The following GPC5 variants were observed in gnomAD, a reference collection of about 807,000 sequenced individuals.
GPC5 encodes the protein glypican-5.
In GPC5, 47 loss-of-function variants were observed where a neutral mutation model predicts 53.9. That is an observed-to-expected ratio of 0.87 (90% CI 0.69 to 1.11). The LOEUF (loss-of-function observed/expected upper bound fraction) is 1.11, where lower values mean the gene tolerates loss of function less well. Ranked by LOEUF, GPC5 falls within the 50% of genes most tolerant of loss-of-function variation. The pLI is 0.00. For missense variants in GPC5, 748 were observed against 713.1 expected, an observed-to-expected ratio of 1.05 and a Z score of -0.56; for synonymous variants, 286 against 263.3, an observed-to-expected ratio of 1.09 and a Z score of -0.84.
chr13:92,647,632 A>G (rs1273662073), intron 7 of GPC5, among the ~76,000 whole-genome samples: 1 of 152,122 alleles, frequency 6.6e-6, no homozygotes, highest in Non-Finnish European at 1.5e-5. Context: ...AATTATAACA[A>G]TAGAGTTCCA....
chr13:91,668,205 A>G (rs1831568), intron 2 of GPC5, among the ~76,000 whole-genome samples: 38,046 of 152,062 alleles, frequency 0.25, 6,627 homozygotes, highest in African/African-American at 0.48. Flanking sequence ...ATGTCACCAC[A>G]TACAGTGGTG....
In GPC5 at chr13:91,650,751, T is replaced by TTTTTG. The variant is rs1555333966; in HGVS notation, c.326-42432_326-42431insGTTTT. 6.6e-4 allele frequency among the ~76,000 whole-genome samples: 7 copies of TTTTTG among 10,610 alleles called. No homozygotes were observed. The South Asian group carries it at 0.011, about 17-fold the overall frequency. 7.0% of individuals were successfully genotyped at this position (10,610 alleles called of 152,430 possible). A position where few individuals can be genotyped will look rare whatever the true frequency, so the allele number is the denominator to read the frequency against. ...ATCTGTGAAACAAAATTCCCATAAG[T>TTTTTG]TTTTTTTTTTTTTTTTTTTTTAGCA... On this transcript the variant is annotated intron_variant, in intron 2 of 7. Transcript: ENST00000377067.
chr13:92,082,278 G>T (rs2041301809), intron 6 of GPC5, among the ~76,000 whole-genome samples: 1 of 152,066 alleles, frequency 6.6e-6, no homozygotes, highest in African/African-American at 2.4e-5. Flanking sequence ...ATGACTATTT[G>T]TTGTACTGTT....
At chr13:91,724,965 G>A (rs2036546627) in intron 3 of GPC5, 1 of 152,220 alleles carries the variant, frequency 6.6e-6, no homozygotes, top group Admixed American at 6.5e-5. Context: ...TTTGTAAAAT[G>A]CTTTGAAAAT....
intron 2 of GPC5, among the ~76,000 whole-genome samples, chr13:91,502,689 A>T (rs1412885544): frequency 6.6e-6 from 1 of 152,192 alleles, no homozygotes; most frequent in African/African-American, 2.4e-5. Flanking sequence ...ACCCTGAACC[A>T]CCCAGCACCA....
At chr13:91,627,958 C>T (rs949857862) in intron 2 of GPC5, among the ~76,000 whole-genome samples, 2 of 152,020 alleles carry the variant, frequency 1.3e-5, no homozygotes, top group African/African-American at 4.8e-5. Flanking sequence ...ACTGTTTGTT[C>T]CCAACACTCT....
intron 7 of GPC5, chr13:92,447,183 A>C (rs377279826): frequency 2.0e-5 from 3 of 152,082 alleles, no homozygotes; most frequent in East Asian, 1.9e-4. Flanking sequence ...TGTGCTTATA[A>C]GGTATTATTC....
At chr13:91,606,820 A>G (rs1167996152) in intron 2 of GPC5, among the ~76,000 whole-genome samples, 1 of 151,936 alleles carries the variant, frequency 6.6e-6, no homozygotes, top group Non-Finnish European at 1.5e-5. Flanking sequence ...ATCATTTTTT[A>G]TTGCAACTAT....
intron 6 of GPC5, among the ~76,000 whole-genome samples, chr13:91,955,804 G>A (rs917614551): frequency 3.9e-5 from 6 of 152,204 alleles, no homozygotes; most frequent in African/African-American, 1.4e-4. Flanking sequence ...CCAACAGACT[G>A]TATCCTGTCC....
At chr13:92,658,321 G>T (rs1349224886) in intron 7 of GPC5, among the ~76,000 whole-genome samples, 1 of 152,056 alleles carries the variant, frequency 6.6e-6, no homozygotes, top group East Asian at 1.9e-4. Flanking sequence ...ATTATGAAGC[G>T]CAAGACACAA....
intron 7 of GPC5, among the ~76,000 whole-genome samples, chr13:92,823,887 T>G (rs971315809): frequency 1.3e-5 from 2 of 152,078 alleles, no homozygotes; most frequent in African/African-American, 4.8e-5. Flanking sequence ...ACAATACCAC[T>G]TATCTCAATA....
At chr13:91,999,604 C>G (rs9589396) in intron 6 of GPC5, among the ~76,000 whole-genome samples, 6,268 of 152,140 alleles carry the variant, frequency 0.041, 371 homozygotes, top group African/African-American at 0.13. Flanking sequence ...AAAATGAATA[C>G]TCAAACAACA....
chr13:92,192,829 T>C (rs1029898663), intron 7 of GPC5, among the ~76,000 whole-genome samples: 1 of 152,220 alleles, frequency 6.6e-6, no homozygotes. Context: ...TTTTTCATTA[T>C]TACTTTTTTT....
intron 5 of GPC5, among the ~76,000 whole-genome samples, chr13:91,800,964 AT>A (rs1654294855): frequency 6.6e-6 from 1 of 152,140 alleles, no homozygotes. Context: ...TTAAAATCAC[AT>A]TAACTTTTTA....
At chr13:92,604,931 CTCT>C (rs1884201891) in intron 7 of GPC5, among the ~76,000 whole-genome samples, 1 of 152,170 alleles carries the variant, frequency 6.6e-6, no homozygotes, top group Admixed American at 6.5e-5. Flanking sequence ...ATCTTGCTGA[CTCT>C]TCATTAAGGA....
At chr13:92,322,370 G>C (rs1594099515) in intron 7 of GPC5, among the ~76,000 whole-genome samples, 2 of 152,100 alleles carry the variant, frequency 1.3e-5, no homozygotes, top group East Asian at 3.9e-4. Context: ...AATTATATGA[G>C]ACATTTGACC....
intron 5 of GPC5, among the ~76,000 whole-genome samples, chr13:91,810,018 TG>T (rs1003175676): frequency 3.9e-5 from 6 of 152,112 alleles, no homozygotes; most frequent in African/African-American, 1.2e-4. Flanking sequence ...TTAATAAGTG[TG>T]GTATAAAATT....
At chr13:91,917,866 ATCTG>A (rs1304587389) in intron 6 of GPC5, among the ~76,000 whole-genome samples, 1 of 152,034 alleles carries the variant, frequency 6.6e-6, no homozygotes, top group Non-Finnish European at 1.5e-5. Flanking sequence ...TTCCCACATC[ATCTG>A]TCTTCTTCTG....
intron 7 of GPC5, among the ~76,000 whole-genome samples, chr13:92,273,647 T>C (rs1161641857): frequency 6.6e-6 from 1 of 150,534 alleles, no homozygotes; most frequent in Non-Finnish European, 1.5e-5. Flanking sequence ...ATTTAGAAAA[T>C]TAAAACAATT....
Sources: allele counts gnomAD v4.1 joint callset (sites outside exome capture counted in the v4.1 genomes callset), GRCh38; gene constraint gnomAD v4.1.1; transcripts MANE v1.5; gene names NCBI Gene and HGNC (gene_info 2026-07-23, HGNC 2026-07-21).